Variants in GPC6 observed in about 807,000 individuals in gnomAD.
The protein encoded by GPC6 is glypican 6.
GPC6 carries 14 observed loss-of-function variants against 55.2 expected under a neutral mutation model. The ratio of observed to expected loss-of-function variants is 0.25; its 90% confidence interval spans 0.17 to 0.40. The LOEUF (loss-of-function observed/expected upper bound fraction) is 0.40, where lower values mean the gene tolerates loss of function less well. Ranked by LOEUF, GPC6 falls within the 10% of genes least tolerant of loss-of-function variation. The pLI, the probability that GPC6 is intolerant of heterozygous loss-of-function variation, is 1.00. For synonymous variants in GPC6, 278 were observed against 259.6 expected (o/e 1.07, Z -0.68); for missense variants, 641 against 708.5 (o/e 0.90, Z 1.08).
intron 4 of GPC6, among the ~76,000 whole-genome samples, chr13:94,127,767 G>T (rs943603133): frequency 6.6e-6 from 1 of 152,160 alleles, no homozygotes; most frequent in African/African-American, 2.4e-5. Context: ...TGTGGATGAG[G>T]TTGCCACAGG....
chr13:93,421,100 G>A (rs559206253), intron 1 of GPC6, among the ~76,000 whole-genome samples: 2 of 152,172 alleles, frequency 1.3e-5, no homozygotes, highest in African/African-American at 4.8e-5. Context: ...CGGCGTGGGC[G>A]GGGGAAGTAT....
intron 1 of GPC6, among the ~76,000 whole-genome samples, chr13:93,321,516 A>C (rs1879434530): frequency 6.6e-6 from 1 of 152,174 alleles, no homozygotes; most frequent in Admixed American, 6.6e-5. Context: ...AGCGTCAAAT[A>C]TACTATTTTT....
intron 3 of GPC6, among the ~76,000 whole-genome samples, chr13:94,005,654 T>C (rs1196754502): frequency 6.6e-6 from 1 of 152,206 alleles, no homozygotes; most frequent in Non-Finnish European, 1.5e-5. Flanking sequence ...TCCTCATCCC[T>C]TGATTCTGTA....
chr13:93,646,127 G>T (rs1241788650), intron 2 of GPC6, among the ~76,000 whole-genome samples: 1 of 152,092 alleles, frequency 6.6e-6, no homozygotes, highest in Non-Finnish European at 1.5e-5. Flanking sequence ...GGAATAAAAA[G>T]AAGGCCAAAT....
At chr13:93,874,318 C>T (rs1434071869) in intron 3 of GPC6, among the ~76,000 whole-genome samples, 1 of 151,796 alleles carries the variant, frequency 6.6e-6, no homozygotes, top group Non-Finnish European at 1.5e-5. Context: ...TTATGTTCCT[C>T]ATTAATTTGC....
intron 3 of GPC6, among the ~76,000 whole-genome samples, chr13:93,837,588 T>A (rs1454664834): frequency 6.6e-6 from 1 of 152,222 alleles, no homozygotes; most frequent in Non-Finnish European, 1.5e-5. Flanking sequence ...ACATGAAGAC[T>A]AAGCAGGTTA....
In GPC6 at chr13:93,874,176, A is replaced by G. The variant is rs549265836; in HGVS notation, c.711+43631A>G. Reference sequence around the variant, plus strand: ...CCAGGTACTAAGCCTAGTACCCAATAGTTATTTTTCCTGATCCTCTCCCTC... The same window carrying G: ...CCAGGTACTAAGCCTAGTACCCAATGGTTATTTTTCCTGATCCTCTCCCTC... On this transcript the variant is annotated intron_variant, in intron 3 of 8. Coordinates refer to ENST00000377047, the MANE Select transcript of GPC6 (RefSeq NM_005708.5). 1.1e-4 allele frequency among the ~76,000 whole-genome samples: 17 copies of G among 151,992 alleles called. No homozygotes were observed. The East Asian group carries it at 3.3e-3, about 30-fold the overall frequency.
chr13:93,416,146 G>C lies in GPC6; in HGVS notation c.161-129117G>C, dbSNP rs567983557. On this transcript the variant is annotated intron_variant, in intron 1 of 8. Coordinates refer to ENST00000377047, the MANE Select transcript of GPC6 (RefSeq NM_005708.5). ...TTATATGTTTGCTTGAAAAATTGGT[G>C]TTATTGAGCACTTCTAAATCACTGG... is the stretch of plus-strand genomic sequence containing the variant. Among the ~76,000 whole-genome samples, 181 of 152,134 alleles carry C rather than the reference G, an allele frequency of 1.2e-3. 2 individuals are homozygous for C. Among genetic ancestry groups the C allele is most frequent in the African/African-American group, 4.0e-3 (168 of 41,520 alleles).
chr13:94,302,734 G>A (rs961629846), intron 5 of GPC6, among the ~76,000 whole-genome samples: 6 of 152,112 alleles, frequency 3.9e-5, no homozygotes, highest in Non-Finnish European at 5.9e-5. Flanking sequence ...GGGTCCTTGC[G>A]CCCAGAGCTC....
chr13:93,864,640 A>T (rs1888907263), intron 3 of GPC6, among the ~76,000 whole-genome samples: 1 of 151,728 alleles, frequency 6.6e-6, no homozygotes, highest in Non-Finnish European at 1.5e-5. Context: ...GGTATTTGTT[A>T]TCTCATTTTA....
intron 1 of GPC6, among the ~76,000 whole-genome samples, chr13:93,394,213 G>A (rs1448306062): frequency 1.3e-5 from 2 of 152,084 alleles, no homozygotes; most frequent in African/African-American, 4.8e-5. Flanking sequence ...TTTTATGCTT[G>A]TAACTGTCAT....
chr13:93,614,655 C>A (rs1196813927), intron 2 of GPC6, among the ~76,000 whole-genome samples: 1 of 151,924 alleles, frequency 6.6e-6, no homozygotes, highest in African/African-American at 2.4e-5. Context: ...ATTATCAATC[C>A]CCCTATATTT....
In GPC6 at chr13:93,227,492, CT is replaced by C; in HGVS notation, c.38del (p.Leu13TrpfsTer13). The part of the protein sequence containing the change: ...SWIGAVILPL[L>X]GLLLSLPAGA... Reference sequence around the variant, plus strand: ...GGATCGGGGCTGTGATTCTTCCCCTCTTGGGGCTGCTGCTCTCCCTCCCCGC... The same window carrying C: ...GGATCGGGGCTGTGATTCTTCCCCTCTGGGGCTGCTGCTCTCCCTCCCCGC... On this transcript the variant is annotated frameshift_variant, in exon 1 of 9. Transcript: ENST00000377047. LOFTEE classifies it high-confidence loss of function. The surrounding 1 kb of genome is among the most constrained non-coding windows in gnomAD (Gnocchi z 4.3). 1 of 1,613,934 alleles carries C rather than the reference CT, an allele frequency of 6.2e-7. No homozygotes were observed. The highest frequency in any genetic ancestry group is 8.5e-7 in the Non-Finnish European group (1 of 1,179,854).
intron 4 of GPC6, among the ~76,000 whole-genome samples, chr13:94,131,667 G>T (rs1185689945): frequency 1.3e-5 from 2 of 151,666 alleles, no homozygotes; most frequent in Non-Finnish European, 2.9e-5. Flanking sequence ...AGGGAAAGAG[G>T]CCGTGAGTCT....
chr13:93,646,009 G>A (rs1272958921), intron 2 of GPC6, among the ~76,000 whole-genome samples: 3 of 152,040 alleles, frequency 2.0e-5, no homozygotes, highest in Non-Finnish European at 4.4e-5. Context: ...AGAATGGTAG[G>A]CCCTTTAGAA....
intron 4 of GPC6, among the ~76,000 whole-genome samples, chr13:94,245,567 C>G (rs1891172464): frequency 6.6e-6 from 1 of 151,834 alleles, no homozygotes; most frequent in Non-Finnish European, 1.5e-5. Context: ...AAGACCCTCC[C>G]TGTCTCTAAA....
At chr13:94,210,004 C>T (rs1046761429) in intron 4 of GPC6, among the ~76,000 whole-genome samples, 39 of 152,008 alleles carry the variant, frequency 2.6e-4, no homozygotes, top group African/African-American at 7.5e-4. Context: ...CATGCCACCA[C>T]GCTGGGCTAA....
intron 1 of GPC6, among the ~76,000 whole-genome samples, chr13:93,412,463 C>T (rs2139246745): frequency 6.6e-6 from 1 of 152,262 alleles, no homozygotes; most frequent in Non-Finnish European, 1.5e-5. Flanking sequence ...CGAGACCAGC[C>T]TGGCCAATAT....
chr13:93,264,851 C>T (rs61965665), intron 1 of GPC6, among the ~76,000 whole-genome samples: 31,585 of 151,378 alleles, frequency 0.21, 3,523 homozygotes, highest in African/African-American at 0.28. Context: ...AGGTTTTCAC[C>T]CCTCCATTTG....
Sources: gnomAD v4.1 joint callset for allele counts (sites outside exome capture counted in the v4.1 genomes callset) on GRCh38, gnomAD v4.1.1 for gene constraint, Gnocchi (gnomAD v3.1) non-coding constraint, MANE v1.5 for transcripts, NCBI Gene and HGNC (gene_info 2026-07-23, HGNC 2026-07-21) for gene names.